The following CLEC10A variants were observed in gnomAD, a reference collection of about 807,000 sequenced individuals.
CLEC10A encodes C-type lectin domain containing 10A, also known as C-type lectin domain family 10 member A.
Under a neutral mutation model 42.0 loss-of-function variants are expected in CLEC10A, and 38 were observed. That is an observed-to-expected ratio of 0.90 (90% CI 0.70 to 1.18). The LOEUF is 1.18. CLEC10A is among the 50% of genes most tolerant of loss of function. CLEC10A has a pLI of 0.00. For missense variants in CLEC10A, 298 were observed against 345.9 expected (o/e 0.86, Z 1.10); for synonymous variants, 126 against 139.9 (o/e 0.90, Z 0.70).
rs766411547 is a variant in CLEC10A at position 7,075,552 on chromosome 17, A to T, written c.595-86T>A. On this transcript the variant is annotated intron_variant, in intron 7 of 8. Transcript: ENST00000416562. The stretch of plus-strand genomic sequence containing the variant: ...GATTCTCAACTTTAGCTCTTCGTTA[A>T]ATCAACTGAGGAGTTTGGAGATGTT... 9.0e-5 allele frequency: 128 copies of T among 1,427,122 alleles called. 2 individuals carry two copies. The South Asian group carries it at 1.6e-3, about 17-fold the overall frequency. 88.4% of individuals were successfully genotyped at this position (1,427,122 alleles called of 1,614,324 possible).
At position 7,074,578 on chromosome 17, in the gene CLEC10A, T is replaced by C. The variant is rs1303096085; in HGVS notation, c.*476A>G. On this transcript the variant is annotated 3_prime_UTR_variant, in exon 9 of 9. Coordinates refer to ENST00000416562, the MANE Select transcript of CLEC10A (RefSeq NM_001330070.2). ...TATATATTCACTTATATGAAGTATA[T>C]ACACGAGAGTGTATGATTTCACTTA... 6.5e-6 allele frequency: 1 copy of C among 152,694 alleles called. No homozygotes were observed. The highest frequency in any genetic ancestry group is 1.5e-5 in the Non-Finnish European group (1 of 68,414). 9.5% of individuals were successfully genotyped at this position (152,694 alleles called of 1,614,324 possible).
In CLEC10A at chr17:7,075,785, CT is replaced by C; in HGVS notation, c.539del (p.Lys180SerfsTer5). 1 of 1,614,236 alleles carries C rather than the reference CT, an allele frequency of 6.2e-7. No homozygotes were observed. Among genetic ancestry groups the C allele is most frequent in the Non-Finnish European group, 8.5e-7 (1 of 1,180,050 alleles). On this transcript the variant is annotated frameshift_variant, in exon 7 of 9. Coordinates refer to ENST00000416562, the MANE Select transcript of CLEC10A (RefSeq NM_001330070.2). LOFTEE classifies it high-confidence loss of function. ...GGTGGGCGTTCTTCAGCTGGCAGTACTTCTCAGCCTCGGCCCAGGACATCCC... is the reference window on the plus strand; with the variant it reads ...GGTGGGCGTTCTTCAGCTGGCAGTACTCTCAGCCTCGGCCCAGGACATCCC... ...HSGMSWAEAE[K>X]YCQLKNAHLV... is the part of the protein sequence containing the mutation.
At chr17:7,078,694 C>T (rs1328721436) in intron 2 of CLEC10A, 52 bp downstream of exon 2, 2 of 1,555,952 alleles carry the variant, frequency 1.3e-6, no homozygotes, top group African/African-American at 1.4e-5. Flanking sequence ...AGGAGAAATC[C>T]TTCTAAACAT....
chr17:7,074,548 G>A lies in CLEC10A; in HGVS notation c.*506C>T, dbSNP rs1418770754. On this transcript the variant is annotated 3_prime_UTR_variant, in exon 9 of 9. Coordinates refer to ENST00000416562, the MANE Select transcript of CLEC10A (RefSeq NM_001330070.2). ...CAACACAAAGTACGTAAGTTCTCAC[G>A]AGAGTATATATTCACTTATATGAAG... The A allele has an allele frequency of 6.6e-6, 1 of 152,304 alleles. No homozygotes were observed. Among genetic ancestry groups the A allele is most frequent in the Non-Finnish European group, 1.5e-5 (1 of 68,124 alleles). The allele number at this position is 152,304 out of a possible 1,614,324, so 9.4% of individuals were successfully genotyped here. A position where few individuals can be genotyped will look rare whatever the true frequency, so the allele number is the denominator to read the frequency against.
chr17:7,079,794 T>G (rs980647609), intron 1 of CLEC10A, among the ~76,000 whole-genome samples: 1 of 151,728 alleles, frequency 6.6e-6, no homozygotes, highest in Non-Finnish European at 1.5e-5. Flanking sequence ...CTGCAACCTC[T>G]GCCTCCTGGG....
At position 7,076,935 on chromosome 17, in the gene CLEC10A, G is replaced by A. The variant is rs767683741; in HGVS notation, c.237C>T (p.Phe79=). ...GGATCTCCGCCACAGTGTTTGAGGT[G>A]AAGTTGCTAAAATCTGTTCTCAGGG... ...LVTLRTDFSN[F]TSNTVAEIQA... is the part of the protein sequence containing the mutation. Residue 79 remains phenylalanine (F), a synonymous_variant, in exon 4 of 9, where the codon TTC becomes TTT. Transcript: ENST00000416562. The A allele has an allele frequency of 6.2e-7, 1 of 1,613,972 alleles. No homozygotes were observed. The highest frequency in any genetic ancestry group is 1.7e-5 in the Admixed American group (1 of 59,984).
rs142642957 is a variant in CLEC10A at position 7,075,183 on chromosome 17, G to A, written c.741C>T (p.His247=). 1.3e-4 allele frequency: 208 copies of A among 1,572,038 alleles called. No homozygotes were observed. The African/African-American group carries it at 1.7e-3, about 13-fold the overall frequency. ...CACAGTCCTCGCCTCCACCCAGCCC[G>A]TGCCCCTGCCAGTCGTCTGGCTGGC... ...KPGQPDDWQG[H]GLGGGEDCAH... The change falls in exon 9 of 9, where the codon CAC becomes CAT. Residue 247 remains histidine (H), a synonymous_variant. Coordinates refer to ENST00000416562, the MANE Select transcript of CLEC10A (RefSeq NM_001330070.2).
rs1218446691 is a variant in CLEC10A, at chr17:7,075,829, A to G, written c.496T>C (p.Tyr166His). The change falls in exon 7 of 9, where the codon TAC becomes CAC. Residue 166 changes from tyrosine to histidine, a missense_variant. Physicochemically the swap from Tyr to His is moderately conservative, Grantham distance 83 (BLOSUM62 2). This residue lies in a region of CLEC10A where 267 missense variants were observed against 289.5 expected (regional missense o/e 0.92). Transcript: ENST00000416562. ...VNWVEHQDSC[Y>H]WFSHSGMSWA... ...GACATCCCAGAGTGAGAGAACCAGT[A>G]GCAGCTGTCTTGGTGCTCCACCCAG... is the stretch of plus-strand genomic sequence containing the variant. The G allele has an allele frequency of 6.2e-7, 1 of 1,614,174 alleles. No individual in the cohort carries two copies.
chr17:7,077,909 C>T (rs1230192341), intron 3 of CLEC10A, 88 bp downstream of exon 3: 8 of 995,012 alleles, frequency 8.0e-6, no homozygotes, highest in Admixed American at 1.8e-5. Context: ...ACCTCACCAT[C>T]GCCCCACCAC....
chr17:7,077,448 G>A lies in CLEC10A; in HGVS notation c.185-461C>T, dbSNP rs76741882. On this transcript the variant is annotated intron_variant, in intron 3 of 8. Coordinates refer to ENST00000416562, the MANE Select transcript of CLEC10A (RefSeq NM_001330070.2). ...CCCATCACCATTCCCATCGATCACTGCATCAGTGCCCCCCACCATTCCCAA... is the reference window on the plus strand; with the variant it reads ...CCCATCACCATTCCCATCGATCACTACATCAGTGCCCCCCACCATTCCCAA... 9.6e-4 allele frequency among the ~76,000 whole-genome samples: 61 copies of A among 63,770 alleles called. 1 individual carries two copies. Among genetic ancestry groups the A allele is most frequent in the South Asian group, 2.1e-3 (4 of 1,876 alleles). The allele number at this position is 63,770 out of a possible 152,430, so 41.8% of individuals were successfully genotyped here. A position where few individuals can be genotyped will look rare whatever the true frequency, so the allele number is the denominator to read the frequency against.
chr17:7,079,473 C>T (rs1038525355), intron 1 of CLEC10A, among the ~76,000 whole-genome samples: 3 of 152,000 alleles, frequency 2.0e-5, no homozygotes, highest in African/African-American at 7.2e-5. Flanking sequence ...ATCCCAGCTA[C>T]TTGGGAGGCT....
At position 7,075,184 on chromosome 17, in the gene CLEC10A, T is replaced by C; in HGVS notation, c.740A>G (p.His247Arg). 6.4e-7 allele frequency: 1 copy of C among 1,573,118 alleles called. No individual in the cohort carries two copies. The highest frequency in any genetic ancestry group is 8.6e-7 in the Non-Finnish European group (1 of 1,163,850). ...ACAGTCCTCGCCTCCACCCAGCCCG[T>C]GCCCCTGCCAGTCGTCTGGCTGGCC... ...KPGQPDDWQG[H>R]GLGGGEDCAH... Residue 247 changes from histidine to arginine, a missense_variant, in exon 9 of 9, where the codon CAC becomes CGC. His to Arg is a conservative substitution (Grantham distance 29, BLOSUM62 0). This residue lies in a region of CLEC10A where 267 missense variants were observed against 289.5 expected (regional missense o/e 0.92). Coordinates refer to ENST00000416562, the MANE Select transcript of CLEC10A (RefSeq NM_001330070.2).
At position 7,075,164 on chromosome 17, in the gene CLEC10A, C is replaced by T. The variant is rs375550026; in HGVS notation, c.760G>A (p.Asp254Asn). The T allele has an allele frequency of 1.7e-5, 27 of 1,603,874 alleles. No individual in the cohort carries two copies. In the Admixed American group the frequency reaches 1.7e-4, roughly 10 times the overall value. ...CCGTCTGGATGGAAGTGAGCACAGT[C>T]CTCGCCTCCACCCAGCCCGTGCCCC... ...WQGHGLGGGEDCAHFHPDGRW... is the reference protein window; with the variant it reads ...WQGHGLGGGENCAHFHPDGRW... Residue 254 changes from aspartate (D) to asparagine (N), a missense_variant, in exon 9 of 9, where the codon GAC becomes AAC. Physicochemically the swap from Asp to Asn is conservative, Grantham distance 23. This residue lies in a region of CLEC10A where 267 missense variants were observed against 289.5 expected (regional missense o/e 0.92). Coordinates refer to ENST00000416562, the MANE Select transcript of CLEC10A (RefSeq NM_001330070.2).
chr17:7,077,709 TA>T (rs5819137), intron 3 of CLEC10A, among the ~76,000 whole-genome samples: 254 of 22,214 alleles, frequency 0.011, 10 homozygotes, highest in Admixed American at 0.022. Context: ...AGTGCCCCCC[TA>T]CCGTTACCAT....
At chr17:7,076,282 G>C in intron 5 of CLEC10A, 1 of 664,550 alleles carries the variant, frequency 1.5e-6, no homozygotes, top group South Asian at 2.4e-5. Flanking sequence ...TCCAGAGAAA[G>C]CATGCTGCCT....
chr17:7,075,605 T>G lies in CLEC10A; in HGVS notation c.594+126A>C, dbSNP rs752424354. The G allele has an allele frequency of 1.2e-5, 18 of 1,482,734 alleles. No individual in the cohort carries two copies. The Middle Eastern group carries it at 5.1e-4, about 42-fold the overall frequency. The allele number at this position is 1,482,734 out of a possible 1,614,324, so 91.8% of individuals were successfully genotyped here. A position where few individuals can be genotyped will look rare whatever the true frequency, so the allele number is the denominator to read the frequency against. Reference sequence around the variant, plus strand: ...TCTGGATGCTCAGGCCTATTAAATCTCTGAGGGTGTGGCACAGATGACAGT... The same window carrying G: ...TCTGGATGCTCAGGCCTATTAAATCGCTGAGGGTGTGGCACAGATGACAGT... On this transcript the variant is annotated intron_variant, in intron 7 of 8. Coordinates refer to ENST00000416562, the MANE Select transcript of CLEC10A (RefSeq NM_001330070.2).
At chr17:7,075,291 G>C in intron 8 of CLEC10A, 69 bp from the exon 9 acceptor site, 1 of 1,507,114 alleles carries the variant, frequency 6.6e-7, no homozygotes, top group Non-Finnish European at 8.9e-7. Context: ...GGGAGGAGAG[G>C]CTGCCAGTCA....
Position 7,076,885 on chromosome 17 carries a change from G to A in CLEC10A, c.280+7C>T. ...CCAGCCCAGAGCCCCATCCAAACCA[G>A]ACTCACCCTGGGAAGTCAGTGCCTG... On this transcript the variant is annotated splice_region_variant and intron_variant, in intron 4 of 8. Transcript: ENST00000416562. 6.2e-7 allele frequency: 1 copy of A among 1,613,888 alleles called. No homozygotes were observed. The highest frequency in any genetic ancestry group is 8.5e-7 in the Non-Finnish European group (1 of 1,179,914).
intron 5 of CLEC10A, 35 bp downstream of exon 5, chr17:7,076,697 CT>C (rs778796177): frequency 1.9e-6 from 3 of 1,608,910 alleles, no homozygotes; most frequent in Non-Finnish European, 2.6e-6. Flanking sequence ...GTCTGAGCGC[CT>C]AGCCCCCCAC....
Sources: gnomAD v4.1 joint callset for allele counts (sites outside exome capture counted in the v4.1 genomes callset) on GRCh38, gnomAD v4.1.1 for gene constraint, gnomAD v4.1.1 regional missense constraint, MANE v1.5 for transcripts, NCBI Gene and HGNC (gene_info 2026-07-23, HGNC 2026-07-21) for gene names.